Variants in ENPP6 observed in about 807,000 individuals in gnomAD.
ENPP6 encodes ectonucleotide pyrophosphatase/phosphodiesterase 6.
ENPP6 carries 32 observed loss-of-function variants against 42.0 expected under a neutral mutation model. That is an observed-to-expected ratio of 0.76 (90% CI 0.58 to 1.02). ENPP6 has a LOEUF of 1.02. Among genes scored for constraint, ENPP6 ranks in the 50% least tolerant of loss-of-function variants. The pLI is 0.00. For missense variants in ENPP6, 552 were observed against 566.8 expected (o/e 0.97, Z 0.27); for synonymous variants, 213 against 216.0 (o/e 0.99, Z 0.12).
At chr4:184,106,905 A>G (rs12498219) in intron 6 of ENPP6, among the ~76,000 whole-genome samples, 139,842 of 152,292 alleles carry the variant, frequency 0.92, 65,228 homozygotes, top group East Asian at 1. Context: ...CACGGCCTTC[A>G]CGGTCGGGGA....
intron 1 of ENPP6, among the ~76,000 whole-genome samples, chr4:184,188,660 A>G (rs1421163340): frequency 6.6e-6 from 1 of 152,166 alleles, no homozygotes; most frequent in Non-Finnish European, 1.5e-5. Context: ...AGGGCTACAG[A>G]TTTATGAACA....
At chr4:184,179,654 AC>A (rs1360816198) in intron 1 of ENPP6, among the ~76,000 whole-genome samples, 1 of 152,126 alleles carries the variant, frequency 6.6e-6, no homozygotes, top group Non-Finnish European at 1.5e-5. Flanking sequence ...AAATGAAATA[AC>A]AAAAAAAACC....
intron 5 of ENPP6, 79 bp downstream of exon 5, chr4:184,116,777 C>A: frequency 6.5e-7 from 1 of 1,533,692 alleles, no homozygotes; most frequent in Middle Eastern, 2.4e-4. Context: ...AACAAAAAAA[C>A]TACAAGGAAA....
chr4:184,112,590 A>C, intron 6 of ENPP6, 82 bp downstream of exon 6: 1 of 1,495,858 alleles, frequency 6.7e-7, no homozygotes, highest in Non-Finnish European at 8.9e-7. Flanking sequence ...TTATGTATAA[A>C]AACTTGAGTA....
At chr4:184,206,897 T>G (rs1733009806) in intron 1 of ENPP6, among the ~76,000 whole-genome samples, 1 of 152,222 alleles carries the variant, frequency 6.6e-6, no homozygotes, top group South Asian at 2.1e-4. Context: ...TGGGGAGATC[T>G]CTATCCTTGG....
chr4:184,178,457 C>A (rs1159036205), intron 1 of ENPP6, among the ~76,000 whole-genome samples: 1 of 152,130 alleles, frequency 6.6e-6, no homozygotes, highest in East Asian at 1.9e-4. Flanking sequence ...TTCAGTATAT[C>A]ATCCAGGAAA....
chr4:184,102,485 A>G (rs1269393888), intron 6 of ENPP6, among the ~76,000 whole-genome samples: 3 of 152,120 alleles, frequency 2.0e-5, no homozygotes, highest in Non-Finnish European at 4.4e-5. Context: ...ATTCCTTCCT[A>G]TTTCTCTCCA....
intron 7 of ENPP6, among the ~76,000 whole-genome samples, chr4:184,091,835 G>A (rs191842214): frequency 1.2e-4 from 19 of 152,344 alleles, no homozygotes; most frequent in African/African-American, 4.3e-4. Context: ...GTTCAAGGCT[G>A]CAGTGAGCCA....
chr4:184,144,633 G>C (rs1163288371), intron 2 of ENPP6, among the ~76,000 whole-genome samples: 1 of 152,232 alleles, frequency 6.6e-6, no homozygotes, highest in Non-Finnish European at 1.5e-5. Context: ...GGCAAAGGGA[G>C]GTGGCAGGGC....
At position 184,199,841 on chromosome 4, in the gene ENPP6, C is replaced by G. The variant is rs569353773; in HGVS notation, c.241+17738G>C. Among the ~76,000 whole-genome samples the G allele has an allele frequency of 8.5e-4, 130 of 152,366 alleles. 1 individual carries two copies. Among genetic ancestry groups the G allele is most frequent in the African/African-American group, 2.6e-3 (107 of 41,588 alleles). ...CGCTGGGAGCCCACCCCAGTCCCCCCACTTTCCGTCTGCTCCCACTCAGTG... is the reference window on the plus strand; with the variant it reads ...CGCTGGGAGCCCACCCCAGTCCCCCGACTTTCCGTCTGCTCCCACTCAGTG... On this transcript the variant is annotated intron_variant, in intron 1 of 7. Coordinates refer to ENST00000296741, the MANE Select transcript of ENPP6 (RefSeq NM_153343.4).
chr4:184,187,262 C>T (rs1296315172), intron 1 of ENPP6, among the ~76,000 whole-genome samples: 1 of 152,200 alleles, frequency 6.6e-6, no homozygotes, highest in African/African-American at 2.4e-5. Context: ...AGGAGCCTGA[C>T]CTTGCTTGGT....
chr4:184,197,371 C>G (rs1732818451), intron 1 of ENPP6, among the ~76,000 whole-genome samples: 1 of 152,206 alleles, frequency 6.6e-6, no homozygotes, highest in Non-Finnish European at 1.5e-5. Context: ...GCAAAAGCAA[C>G]CCAGGGAAGT....
intron 1 of ENPP6, among the ~76,000 whole-genome samples, chr4:184,212,824 C>T (rs1733134973): frequency 6.6e-6 from 1 of 152,062 alleles, no homozygotes; most frequent in Non-Finnish European, 1.5e-5. Context: ...CATCACACTA[C>T]CTGACTTCAA....
At chr4:184,111,863 A>ACTACTGAC (rs1228277538) in intron 6 of ENPP6, among the ~76,000 whole-genome samples, 1 of 152,152 alleles carries the variant, frequency 6.6e-6, no homozygotes, top group African/African-American at 2.4e-5. Flanking sequence ...CCCCGGGGTG[A>ACTACTGAC]CTACTGACAG....
In ENPP6 at chr4:184,113,956, T is replaced by TTTCC. The variant is rs1406468291; in HGVS notation, c.856-1148_856-1147insGGAA. On this transcript the variant is annotated intron_variant, in intron 5 of 7. Coordinates refer to ENST00000296741, the MANE Select transcript of ENPP6 (RefSeq NM_153343.4). ...CTTTCTTTCTTTCTTTCTTTCTTTC[T>TTTCC]TTCTTTCTCTCTTTCTTTCTTTCTT... Among the ~76,000 whole-genome samples the TTTCC allele has an allele frequency of 4.1e-5, 6 of 147,236 alleles. No individual in the cohort carries two copies. The East Asian group carries it at 7.9e-4, about 19-fold the overall frequency.
At chr4:184,116,630 G>A (rs1465649025) in intron 5 of ENPP6, among the ~76,000 whole-genome samples, 1 of 152,142 alleles carries the variant, frequency 6.6e-6, no homozygotes, top group Non-Finnish European at 1.5e-5. Flanking sequence ...CTGCTCAGGA[G>A]GCTGAGGCAG....
chr4:184,206,166 C>T (rs1299014060), intron 1 of ENPP6, among the ~76,000 whole-genome samples: 2 of 149,102 alleles, frequency 1.3e-5, no homozygotes, highest in African/African-American at 2.5e-5. Context: ...GGAAGGAGGG[C>T]GGAGGGGACC....
intron 1 of ENPP6, among the ~76,000 whole-genome samples, chr4:184,206,771 C>T (rs1266244063): frequency 6.6e-6 from 1 of 152,126 alleles, no homozygotes; most frequent in African/African-American, 2.4e-5. Context: ...TCTAGGAGTG[C>T]GAGACAAAAT....
In ENPP6 at chr4:184,149,214, G is replaced by T. The variant is rs555650731; in HGVS notation, c.421+4340C>A. Among the ~76,000 whole-genome samples the T allele has an allele frequency of 2.6e-5, 4 of 152,198 alleles. 1 individual carries two copies. Among genetic ancestry groups the T allele is most frequent in the African/African-American group, 9.6e-5 (4 of 41,536 alleles). On this transcript the variant is annotated intron_variant, in intron 2 of 7. Transcript: ENST00000296741. ...TGACTTAGCTATCAGGTTTACTCAC[G>T]CCTCTGTATGAGCAATGCTGAGCTC...
Sources: allele counts gnomAD v4.1 joint callset (sites outside exome capture counted in the v4.1 genomes callset), GRCh38; gene constraint gnomAD v4.1.1; transcripts MANE v1.5; gene names NCBI Gene and HGNC (gene_info 2026-07-23, HGNC 2026-07-21).